The following SRRM4 variants were observed in gnomAD, a reference collection of about 807,000 sequenced individuals.
SRRM4 encodes the protein serine/arginine repetitive matrix protein 4.
A neutral mutation model predicts 68.9 loss-of-function variants in SRRM4; 33 were observed. That is an observed-to-expected ratio of 0.48 (90% CI 0.36 to 0.64). The LOEUF is 0.64. SRRM4 is among the 30% of genes least tolerant of loss of function. The pLI is 0.00. For synonymous variants in SRRM4, 318 were observed against 318.8 expected (o/e 1.00, Z 0.03); for missense variants, 817 against 827.1 (o/e 0.99, Z 0.15).
chr12:119,156,710 G>T lies in SRRM4; in HGVS notation c.1748G>T (p.Ser583Ile). Residue 583 changes from serine to isoleucine, a missense_variant, in exon 13 of 13, where the codon AGC becomes ATC. Transcript: ENST00000267260. Reference protein sequence around the residue: ...RSPSPGSRSRSRSRSRSRSRS... With the variant: ...RSPSPGSRSRIRSRSRSRSRS... The stretch of plus-strand genomic sequence containing the variant: ...CCTAGTCCGGGCTCCCGCAGCCGGA[G>T]CCGGAGCAGGAGCCGGAGCCGGAGC... 6.5e-7 allele frequency: 1 copy of T among 1,547,858 alleles called. No individual in the cohort carries two copies.
intron 5 of SRRM4, among the ~76,000 whole-genome samples, chr12:119,120,984 G>A (rs1796647817): frequency 6.6e-6 from 1 of 152,194 alleles, no homozygotes. Context: ...CCTGTCATTT[G>A]TTCACTTAAT....
intron 1 of SRRM4, chr12:118,992,050 T>C (rs1243905341): frequency 6.6e-6 from 1 of 152,180 alleles, no homozygotes; most frequent in Non-Finnish European, 1.5e-5. Flanking sequence ...AATACACATA[T>C]ATTGGGGTTT....
At chr12:119,122,304 A>AAGGAAGGAAGGAAGGC (rs1954226415) in intron 6 of SRRM4, among the ~76,000 whole-genome samples, 184 bp downstream of exon 6, 2 of 109,576 alleles carry the variant, frequency 1.8e-5, no homozygotes, top group African/African-American at 5.5e-5. Context: ...GGAAGGAAGG[A>AAGGAAGGAAGGAAGGC]AGGAAGGAAG....
chr12:119,020,801 G>A (rs1490007341), intron 1 of SRRM4, among the ~76,000 whole-genome samples: 1 of 152,210 alleles, frequency 6.6e-6, no homozygotes, highest in Admixed American at 6.5e-5. Context: ...AAGAGCTGGG[G>A]AAATAAAGAG....
In SRRM4 at chr12:119,131,148, TTTTG is replaced by T. The variant is rs749060383; in HGVS notation, c.771+330_771+333del. ...ATGTTTAAGATACCATAGGAGGATT[TTTTG>T]TTTGTTTGTTTGTTTTTGGGAGAGA... On this transcript the variant is annotated intron_variant, in intron 8 of 12. Transcript: ENST00000267260. 2.4e-4 allele frequency among the ~76,000 whole-genome samples: 36 copies of T among 152,236 alleles called. 1 individual carries two copies. The highest frequency in any genetic ancestry group is 7.7e-4 in the East Asian group (4 of 5,174).
At chr12:119,004,437 T>C (rs1390589999) in intron 1 of SRRM4, among the ~76,000 whole-genome samples, 1 of 151,932 alleles carries the variant, frequency 6.6e-6, no homozygotes, top group Non-Finnish European at 1.5e-5. Context: ...GAAAGTACAG[T>C]GGTTCTGAAG....
chr12:119,140,413 T>C (rs563234594), intron 8 of SRRM4, among the ~76,000 whole-genome samples: 13 of 152,196 alleles, frequency 8.5e-5, no homozygotes, highest in Non-Finnish European at 1.8e-4. Context: ...ACTATAGTCG[T>C]CCTGATGTGC....
At chr12:119,052,503 TTG>T (rs1230855920) in intron 1 of SRRM4, among the ~76,000 whole-genome samples, 1 of 150,440 alleles carries the variant, frequency 6.6e-6, no homozygotes, top group Non-Finnish European at 1.5e-5. Context: ...TGCTTTTTTG[TTG>T]TTGTTGTTGT....
intron 1 of SRRM4, among the ~76,000 whole-genome samples, chr12:119,087,716 G>A (rs1199678960): frequency 1.3e-5 from 2 of 152,132 alleles, no homozygotes; most frequent in Non-Finnish European, 2.9e-5. Flanking sequence ...CAGCATGGGG[G>A]ATGCAGAGAC....
At chr12:119,048,977 A>G (rs1953724684) in intron 1 of SRRM4, among the ~76,000 whole-genome samples, 1 of 152,192 alleles carries the variant, frequency 6.6e-6, no homozygotes, top group South Asian at 2.1e-4. Flanking sequence ...AGATTCATTC[A>G]TTCAAGACAT....
At chr12:118,989,472 C>G (rs145165797) in intron 1 of SRRM4, among the ~76,000 whole-genome samples, 1 of 152,162 alleles carries the variant, frequency 6.6e-6, no homozygotes, top group East Asian at 1.9e-4. Flanking sequence ...CCACTGCACA[C>G]TCTTGAAGCT....
intron 1 of SRRM4, among the ~76,000 whole-genome samples, chr12:119,084,812 G>A (rs1467502997): frequency 6.6e-6 from 1 of 152,214 alleles, no homozygotes; most frequent in East Asian, 1.9e-4. Context: ...CCTGAAAGAG[G>A]TGACATCTGA....
intron 5 of SRRM4, among the ~76,000 whole-genome samples, chr12:119,121,394 A>G (rs1954218656): frequency 6.6e-6 from 1 of 152,226 alleles, no homozygotes; most frequent in Non-Finnish European, 1.5e-5. Flanking sequence ...ACCCCAAGTC[A>G]TTCTTATCCA....
At position 119,160,841 on chromosome 12, in the gene SRRM4, A is replaced by G. The variant is rs1032944817; in HGVS notation, c.*4043A>G. 2.0e-5 allele frequency: 3 copies of G among 152,202 alleles called. No individual in the cohort carries two copies. The highest frequency in any genetic ancestry group is 7.2e-5 in the African/African-American group (3 of 41,434). The allele number at this position is 152,202 out of a possible 1,614,324, so 9.4% of individuals were successfully genotyped here. On this transcript the variant is annotated 3_prime_UTR_variant, in exon 13 of 13. Transcript: ENST00000267260. ...AAGTAAAAACGAAAAGCAAGATTTG[A>G]TCTCCCTTCAGTTAATTAGGCAAGG...
intron 1 of SRRM4, among the ~76,000 whole-genome samples, chr12:119,052,229 C>T (rs771311131): frequency 2.0e-5 from 3 of 152,116 alleles, no homozygotes; most frequent in Non-Finnish European, 4.4e-5. Context: ...TGGCTGCTCT[C>T]GTGGATGTGG....
chr12:119,038,527 A>G (rs1287291224), intron 1 of SRRM4, among the ~76,000 whole-genome samples: 2 of 152,176 alleles, frequency 1.3e-5, no homozygotes, highest in Non-Finnish European at 2.9e-5. Flanking sequence ...AAAAACTTTT[A>G]CCAACATTTC....
At chr12:119,135,122 T>C (rs1241186683) in intron 8 of SRRM4, among the ~76,000 whole-genome samples, 2 of 152,016 alleles carry the variant, frequency 1.3e-5, no homozygotes, top group African/African-American at 2.4e-5. Flanking sequence ...CTGTTATGAG[T>C]TGTGGTTTGT....
chr12:119,114,896 C>A (rs893775817), intron 3 of SRRM4, among the ~76,000 whole-genome samples: 1 of 151,850 alleles, frequency 6.6e-6, no homozygotes, highest in Non-Finnish European at 1.5e-5. Flanking sequence ...CATCTCCTGA[C>A]CTTGTGATCC....
chr12:119,130,234 G>A (rs1309119588), intron 7 of SRRM4, among the ~76,000 whole-genome samples: 1 of 151,418 alleles, frequency 6.6e-6, no homozygotes, highest in East Asian at 2.0e-4. Flanking sequence ...ATGGATAGAT[G>A]AATGAATGGA....
Sources: allele counts gnomAD v4.1 joint callset (sites outside exome capture counted in the v4.1 genomes callset), GRCh38; gene constraint gnomAD v4.1.1; transcripts MANE v1.5; gene names NCBI Gene and HGNC (gene_info 2026-07-23, HGNC 2026-07-21).